Variants in DENND4C observed in about 807,000 individuals in gnomAD.
DENND4C encodes the protein DENN domain-containing protein 4C.
A neutral mutation model predicts 203.0 loss-of-function variants in DENND4C; 108 were observed. The ratio of observed to expected loss-of-function variants is 0.53; its 90% CI spans 0.46 to 0.62. The LOEUF is 0.62. Among genes scored for constraint, DENND4C ranks in the 20% least tolerant of loss-of-function variants. DENND4C has a pLI of 0.00. For missense variants in DENND4C, 2,481 were observed against 2,301.2 expected, an observed-to-expected ratio of 1.08 and a Z score of -1.60; for synonymous variants, 871 against 792.4, an observed-to-expected ratio of 1.10 and a Z score of -1.67.
At position 19,352,571 on chromosome 9, in the gene DENND4C, G is replaced by A. The variant is rs200040966; in HGVS notation, c.4687G>A (p.Asp1563Asn). Residue 1563 changes from aspartate (D) to asparagine (N), a missense_variant, in exon 26 of 33, where the codon GAT (aspartate) becomes AAT (asparagine). Asp to Asn is a conservative substitution (Grantham distance 23). Coordinates refer to ENST00000434457, the MANE Select transcript of DENND4C (RefSeq NM_001330640.2). ...DEEIMAGWTA[D>N]DSNLNTACPF... is the part of the protein sequence containing the mutation. ...AGAAATTATGGCTGGATGGACAGCA[G>A]ATGACTCAAATTTGAATACAGCTTG... 1 of 1,613,926 alleles carries A rather than the reference G, an allele frequency of 6.2e-7. No homozygotes were observed. The highest frequency in any genetic ancestry group is 8.5e-7 in the Non-Finnish European group (1 of 1,179,886).
In DENND4C at chr9:19,254,868, G is replaced by A. The variant is rs116530893; in HGVS notation, c.-17-21290G>A. Among the ~76,000 whole-genome samples the A allele has an allele frequency of 7.5e-3, 1,136 of 152,144 alleles. 16 individuals carry two copies. Among genetic ancestry groups the A allele is most frequent in the African/African-American group, 0.026 (1,099 of 41,504 alleles). ...TGGCCGGGACCGGGTGTGGGGGCTCGTGCCTGTAACCCCCGCACTTTGGGA... is the reference window on the plus strand; with the variant it reads ...TGGCCGGGACCGGGTGTGGGGGCTCATGCCTGTAACCCCCGCACTTTGGGA... On this transcript the variant is annotated intron_variant, in intron 1 of 32. Coordinates refer to ENST00000434457, the MANE Select transcript of DENND4C (RefSeq NM_001330640.2).
Position 19,352,501 on chromosome 9 carries a change from C to A in DENND4C, c.4617C>A (p.Ser1539=). 1 of 1,581,166 alleles carries A rather than the reference C, an allele frequency of 6.3e-7. No individual in the cohort carries two copies. Among genetic ancestry groups the A allele is most frequent in the Non-Finnish European group, 8.6e-7 (1 of 1,164,376 alleles). The change falls in exon 26 of 33, where the codon TCC becomes TCA. Residue 1539 remains serine (S), a synonymous_variant. Transcript: ENST00000434457. ...YQNCAMEVLM[S]SCSQCRACGA... ...TTTTCTGTTTTTAGGTTTTGATGTC[C>A]AGTTGTTCACAGTGTAGAGCTTGTG...
chr9:19,351,810 AAAAAAAAAAG>A (rs1824197201), intron 24 of DENND4C, among the ~76,000 whole-genome samples: 2 of 151,408 alleles, frequency 1.3e-5, no homozygotes, highest in African/African-American at 4.9e-5. Context: ...CCATCTAAAA[AAAAAAAAAAG>A]AAAAGAAAAA....
chr9:19,316,494 A>T lies in DENND4C; in HGVS notation c.1565A>T (p.Lys522Ile). 1 of 1,613,780 alleles carries T rather than the reference A, an allele frequency of 6.2e-7. No individual in the cohort carries two copies. The highest frequency in any genetic ancestry group is 8.5e-7 in the Non-Finnish European group (1 of 1,179,924). ...PCKNLLSTLK[K>I]LYPQLSSVHQ... ...AAAAATCTACTTAGCACCTTAAAGA[A>T]ATTGTATCCCCAGCTGTCTTCAGGT... is the stretch of plus-strand genomic sequence containing the variant. The change falls in exon 11 of 33, where the codon AAA (lysine) becomes ATA (isoleucine). Residue 522 changes from lysine to isoleucine, a missense_variant. Transcript: ENST00000434457.
intron 1 of DENND4C, among the ~76,000 whole-genome samples, chr9:19,251,177 C>T (rs570434915): frequency 2.0e-5 from 3 of 152,302 alleles, no homozygotes; most frequent in Non-Finnish European, 4.4e-5. Flanking sequence ...GGCGGTGGTT[C>T]GCAAACCCTA....
At chr9:19,323,582 T>C (rs758444676) in intron 12 of DENND4C, among the ~76,000 whole-genome samples, 11 of 152,134 alleles carry the variant, frequency 7.2e-5, no homozygotes, top group Non-Finnish European at 1.6e-4. Context: ...GTCCCTGAAA[T>C]CAATAGATGT....
intron 7 of DENND4C, among the ~76,000 whole-genome samples, chr9:19,298,372 G>A (rs535726505): frequency 1.3e-5 from 2 of 152,242 alleles, no homozygotes; most frequent in South Asian, 4.1e-4. Flanking sequence ...TGACCTTTAT[G>A]TAGCTAGTTT....
chr9:19,250,124 C>G (rs1481873923), intron 1 of DENND4C, among the ~76,000 whole-genome samples: 5 of 152,138 alleles, frequency 3.3e-5, no homozygotes, highest in Admixed American at 6.6e-5. Flanking sequence ...GTAGCAGGAC[C>G]TCCATCTCTA....
chr9:19,247,850 G>A (rs2383090), intron 1 of DENND4C, among the ~76,000 whole-genome samples: 118,104 of 152,102 alleles, frequency 0.78, 46,070 homozygotes, highest in Admixed American at 0.81. Context: ...TAAGCCACAA[G>A]CTGGAAATCA....
intron 1 of DENND4C, among the ~76,000 whole-genome samples, chr9:19,249,283 G>A (rs906038871): frequency 2.7e-5 from 4 of 147,478 alleles, no homozygotes; most frequent in Non-Finnish European, 6.0e-5. Context: ...ATGAAGTCTC[G>A]CTCTTATCCC....
intron 15 of DENND4C, 120 bp from the exon 16 acceptor site, chr9:19,327,910 T>G (rs914784500): frequency 3.7e-5 from 35 of 956,020 alleles, no homozygotes; most frequent in Non-Finnish European, 4.7e-5. Flanking sequence ...TTTTTCTATA[T>G]AAGCATTTAA....
chr9:19,262,298 G>A (rs1829575052), intron 1 of DENND4C, among the ~76,000 whole-genome samples: 1 of 151,786 alleles, frequency 6.6e-6, no homozygotes, highest in Non-Finnish European at 1.5e-5. Flanking sequence ...ATGTTGGCCA[G>A]GCTGGTCTTG....
At chr9:19,274,529 A>C (rs2130885472) in intron 1 of DENND4C, among the ~76,000 whole-genome samples, 1 of 152,320 alleles carries the variant, frequency 6.6e-6, no homozygotes, top group Non-Finnish European at 1.5e-5. Flanking sequence ...TCCCAACCTC[A>C]GGTGTTGCAC....
chr9:19,262,439 A>G (rs1829608279), intron 1 of DENND4C, among the ~76,000 whole-genome samples: 1 of 131,636 alleles, frequency 7.6e-6, no homozygotes, highest in African/African-American at 3.0e-5. Flanking sequence ...TTTTCCAAAT[A>G]TATCATATCT....
intron 10 of DENND4C, among the ~76,000 whole-genome samples, chr9:19,313,376 C>G (rs1449778199): frequency 1.3e-5 from 2 of 152,172 alleles, no homozygotes; most frequent in African/African-American, 2.4e-5. Flanking sequence ...GGTACATTAT[C>G]AGTCCTCATT....
chr9:19,365,209 C>A (rs969316406), intron 30 of DENND4C, among the ~76,000 whole-genome samples: 1 of 152,164 alleles, frequency 6.6e-6, no homozygotes, highest in African/African-American at 2.4e-5. Context: ...TACACCATGA[C>A]AAAGTGGGAT....
chr9:19,323,227 T>G, intron 12 of DENND4C, among the ~76,000 whole-genome samples: 1 of 152,066 alleles, frequency 6.6e-6, no homozygotes, highest in Non-Finnish European at 1.5e-5. Flanking sequence ...CTGAGGTCCG[T>G]TCAAGACCAG....
chr9:19,328,882 C>T (rs1818468706), intron 16 of DENND4C, among the ~76,000 whole-genome samples: 1 of 151,934 alleles, frequency 6.6e-6, no homozygotes, highest in African/African-American at 2.4e-5. Context: ...AACCCCGTCT[C>T]TACTAAAAAT....
chr9:19,260,729 A>G (rs2131762515), intron 1 of DENND4C, among the ~76,000 whole-genome samples: 1 of 152,246 alleles, frequency 6.6e-6, no homozygotes, highest in East Asian at 1.9e-4. Flanking sequence ...TATCAAATGG[A>G]TAGTTTGCAA....
Sources: gnomAD v4.1 joint callset for allele counts (sites outside exome capture counted in the v4.1 genomes callset) on GRCh38, gnomAD v4.1.1 for gene constraint, MANE v1.5 for transcripts, NCBI Gene and HGNC (gene_info 2026-07-23, HGNC 2026-07-21) for gene names.